The following CCBE1 variants were observed in gnomAD, a reference collection of about 807,000 sequenced individuals.
The protein encoded by CCBE1 is collagen and calcium-binding EGF domain-containing protein 1.
In CCBE1, 37 loss-of-function variants were observed where a neutral mutation model predicts 50.0. That is an observed-to-expected ratio of 0.74 (90% CI 0.57 to 0.97). The LOEUF (loss-of-function observed/expected upper bound fraction) is 0.97, where lower values mean the gene tolerates loss of function less well. CCBE1 is among the 50% of genes least tolerant of loss of function. The probability of loss-of-function intolerance (pLI) is 0.00; values close to 1 mark genes in which losing one functional copy is unlikely to be tolerated. For synonymous variants in CCBE1, 234 were observed against 203.7 expected (o/e 1.15, Z -1.27); for missense variants, 538 against 523.8 (o/e 1.03, Z -0.26).
At chr18:59,685,714 C>T (rs889990288) in intron 2 of CCBE1, 13 of 152,192 alleles carry the variant, frequency 8.5e-5, no homozygotes, top group Admixed American at 2.6e-4. Context: ...AAAACCTCCT[C>T]GGATGATTTC....
At chr18:59,664,775 G>T (rs2054330706) in intron 2 of CCBE1, among the ~76,000 whole-genome samples, 1 of 152,138 alleles carries the variant, frequency 6.6e-6, no homozygotes, top group Admixed American at 6.5e-5. Flanking sequence ...AAGCTGAGTG[G>T]CAGTAGGGAT....
chr18:59,512,868 T>G (rs1914193610), intron 2 of CCBE1, among the ~76,000 whole-genome samples: 2 of 152,118 alleles, frequency 1.3e-5, no homozygotes, highest in South Asian at 4.2e-4. Flanking sequence ...TCCTCTTACC[T>G]CCCACTCAGA....
intron 2 of CCBE1, among the ~76,000 whole-genome samples, chr18:59,554,934 C>T (rs1388302093): frequency 6.6e-6 from 1 of 152,206 alleles, no homozygotes; most frequent in Non-Finnish European, 1.5e-5. Flanking sequence ...CAGAATGCTC[C>T]ATTTTCTGGA....
chr18:59,557,002 A>G (rs951110787), intron 2 of CCBE1, among the ~76,000 whole-genome samples: 2 of 152,228 alleles, frequency 1.3e-5, no homozygotes, highest in African/African-American at 4.8e-5. Context: ...GGAAGATGAT[A>G]TACAGCAGCA....
rs1354862731 is a variant in CCBE1, at chr18:59,503,097, A to G, written c.213-22859T>C. Reference sequence around the variant, plus strand: ...GGGCCTGTGCCTGTTCCCTCAAAGGACAGGCCTGTGATGCAGATGTGACAC... The same window carrying G: ...GGGCCTGTGCCTGTTCCCTCAAAGGGCAGGCCTGTGATGCAGATGTGACAC... On this transcript the variant is annotated intron_variant, in intron 2 of 10. Transcript: ENST00000439986. Among the ~76,000 whole-genome samples the G allele has an allele frequency of 2.6e-5, 4 of 152,268 alleles. No individual in the cohort carries two copies. The East Asian group carries it at 5.8e-4, about 22-fold the overall frequency.
intron 2 of CCBE1, among the ~76,000 whole-genome samples, chr18:59,560,879 A>T (rs1330189993): frequency 6.6e-6 from 1 of 152,224 alleles, no homozygotes; most frequent in Non-Finnish European, 1.5e-5. Flanking sequence ...GCAGTGAAGC[A>T]TACTAAAGTA....
In CCBE1 at chr18:59,588,740, G is replaced by A. The variant is rs75843511; in HGVS notation, c.212+107889C>T. Among the ~76,000 whole-genome samples, 313 of 152,252 alleles carry A rather than the reference G, an allele frequency of 2.1e-3. 4 individuals are homozygous for A. The East Asian group carries it at 0.032, about 16-fold the overall frequency. ...CTGGTTCATGCACTGAACCAGAAGT[G>A]CTTCTCAGAACCAACCTCCAGCAGT... On this transcript the variant is annotated intron_variant, in intron 2 of 10. Transcript: ENST00000439986.
In CCBE1 at chr18:59,455,986, G is replaced by A. The variant is rs969123810; in HGVS notation, c.554-1035C>T. ...GACCATCTCTTGTTCTTCCTGGCCC[G>A]TATACTTTGCTTCTTACTGTTCCTC... On this transcript the variant is annotated intron_variant, in intron 5 of 10. Coordinates refer to ENST00000439986, the MANE Select transcript of CCBE1 (RefSeq NM_133459.4). 1.6e-4 allele frequency among the ~76,000 whole-genome samples: 25 copies of A among 152,200 alleles called. 1 individual carries two copies. The highest frequency in any genetic ancestry group is 5.8e-4 in the African/African-American group (24 of 41,456).
intron 2 of CCBE1, among the ~76,000 whole-genome samples, chr18:59,616,057 C>T (rs1033832022): frequency 1.5e-4 from 23 of 149,502 alleles, no homozygotes; most frequent in Admixed American, 1.3e-4. Context: ...ATGTGATGGG[C>T]GCTCTGGCCT....
At chr18:59,676,728 A>G (rs563075913) in intron 2 of CCBE1, among the ~76,000 whole-genome samples, 1 of 152,232 alleles carries the variant, frequency 6.6e-6, no homozygotes, top group African/African-American at 2.4e-5. Context: ...CAACAAAGAC[A>G]AAAACCTGAA....
chr18:59,446,558 G>T (rs1262098276), intron 7 of CCBE1, among the ~76,000 whole-genome samples: 1 of 152,064 alleles, frequency 6.6e-6, no homozygotes, highest in African/African-American at 2.4e-5. Context: ...GGAGACTCAG[G>T]CTTGTGTTTG....
Position 59,451,628 on chromosome 18 carries a change from A to G in CCBE1, c.654+3223T>C, listed in dbSNP as rs186719085. ...GAGGTGGAGGCACTGAGGTCTATAC[A>G]CCATTTAAAAACATGTTTTTATTGC... On this transcript the variant is annotated intron_variant, in intron 6 of 10. Coordinates refer to ENST00000439986, the MANE Select transcript of CCBE1 (RefSeq NM_133459.4). 4.6e-3 allele frequency among the ~76,000 whole-genome samples: 694 copies of G among 152,200 alleles called. 4 individuals are homozygous for G. The highest frequency in any genetic ancestry group is 6.2e-3 in the Non-Finnish European group (423 of 68,018).
At position 59,432,793 on chromosome 18, in the gene CCBE1, G is replaced by A. The variant is rs1909988339; in HGVS notation, c.*3115C>T. On this transcript the variant is annotated 3_prime_UTR_variant, in exon 11 of 11. Transcript: ENST00000439986. ...CTTTTAATATATTATTCTAGCCTAT[G>A]GCCAAACATGCAGTTTGGTTGCATT... The A allele has an allele frequency of 2.6e-5, 4 of 152,040 alleles. No homozygotes were observed. The highest frequency in any genetic ancestry group is 5.9e-5 in the Non-Finnish European group (4 of 68,020). The allele number at this position is 152,040 out of a possible 1,614,324, so 9.4% of individuals were successfully genotyped here. A position where few individuals can be genotyped will look rare whatever the true frequency, so the allele number is the denominator to read the frequency against.
At chr18:59,534,303 G>A (rs963527957) in intron 2 of CCBE1, among the ~76,000 whole-genome samples, 2 of 152,272 alleles carry the variant, frequency 1.3e-5, no homozygotes, top group African/African-American at 4.8e-5. Flanking sequence ...AAGTAAAAAT[G>A]TATTGAATCC....
intron 2 of CCBE1, among the ~76,000 whole-genome samples, chr18:59,658,479 G>A (rs1346256348): frequency 1.5e-5 from 2 of 133,962 alleles, no homozygotes. Context: ...GAGGCAGACA[G>A]ATTGCTCTAG....
chr18:59,450,318 G>A (rs942191545), intron 6 of CCBE1, among the ~76,000 whole-genome samples: 2 of 152,156 alleles, frequency 1.3e-5, no homozygotes, highest in African/African-American at 2.4e-5. Context: ...GCTGTTCTCA[G>A]TCCTTTGTAA....
chr18:59,687,170 G>A (rs776357161), intron 2 of CCBE1, among the ~76,000 whole-genome samples: 1 of 152,220 alleles, frequency 6.6e-6, no homozygotes, highest in Non-Finnish European at 1.5e-5. Flanking sequence ...AGAGGTCACA[G>A]TCACAGAAAA....
chr18:59,608,294 T>C (rs1253711889), intron 2 of CCBE1, among the ~76,000 whole-genome samples: 3 of 152,214 alleles, frequency 2.0e-5, no homozygotes, highest in Non-Finnish European at 4.4e-5. Context: ...TCCAGGATTT[T>C]CTCTGTACTC....
At chr18:59,491,567 AT>A (rs139590998) in intron 2 of CCBE1, among the ~76,000 whole-genome samples, 14,142 of 152,324 alleles carry the variant, frequency 0.093, 865 homozygotes, top group Middle Eastern at 0.19. Flanking sequence ...GAATTCCAGC[AT>A]TTTGGGAAGC....
Sources: allele counts gnomAD v4.1 joint callset (sites outside exome capture counted in the v4.1 genomes callset), GRCh38; gene constraint gnomAD v4.1.1; transcripts MANE v1.5; gene names NCBI Gene and HGNC (gene_info 2026-07-23, HGNC 2026-07-21).